The following ACMSD variants were observed in gnomAD, a reference collection of about 807,000 sequenced individuals.
ACMSD encodes aminocarboxymuconate semialdehyde decarboxylase, also known as 2-amino-3-carboxymuconate-6-semialdehyde decarboxylase.
ACMSD carries 37 observed loss-of-function variants against 45.9 expected under a neutral mutation model. The observed-to-expected ratio is 0.81, with a 90% CI of 0.62 to 1.06. The LOEUF is 1.06. Ranked by LOEUF, ACMSD falls within the 50% of genes least tolerant of loss-of-function variation. The probability of loss-of-function intolerance (pLI) is 0.00; values close to 1 mark genes in which losing one functional copy is unlikely to be tolerated. For missense variants in ACMSD, 434 were observed against 420.9 expected (o/e 1.03, Z -0.27); for synonymous variants, 138 against 148.8 (o/e 0.93, Z 0.53).
intron 3 of ACMSD, 28 bp downstream of exon 3, chr2:134,859,385 G>A: frequency 6.2e-7 from 1 of 1,603,472 alleles, no homozygotes; most frequent in South Asian, 1.1e-5. Context: ...ACCAATGTTA[G>A]CATCTGATGT....
rs1273224692 is a variant in ACMSD at position 134,867,698 on chromosome 2, C to G, written c.580+26C>G. On this transcript the variant is annotated intron_variant, in intron 6 of 9. Transcript: ENST00000356140. ...GTTTGTGTCTGTGTGGGGTCTGGAA[C>G]AGAGGACCAACTCTTGGGTTTTTCC... 2.5e-6 allele frequency: 4 copies of G among 1,592,792 alleles called. No homozygotes were observed. The Admixed American group carries it at 6.7e-5, about 27-fold the overall frequency.
chr2:134,865,822 G>T (rs1459806595), intron 5 of ACMSD, among the ~76,000 whole-genome samples: 2 of 152,100 alleles, frequency 1.3e-5, no homozygotes, highest in Non-Finnish European at 1.5e-5. Flanking sequence ...TTCGTTATTG[G>T]TATAAGGCAG....
intron 8 of ACMSD, among the ~76,000 whole-genome samples, chr2:134,885,306 A>T (rs1421037477): frequency 0.029 from 2,158 of 75,354 alleles, 96 homozygotes; most frequent in East Asian, 0.17. Context: ...TATATATTTA[A>T]ATATATATAT....
intron 8 of ACMSD, among the ~76,000 whole-genome samples, chr2:134,880,403 C>T (rs1382711700): frequency 6.6e-6 from 1 of 152,012 alleles, no homozygotes; most frequent in South Asian, 2.1e-4. Flanking sequence ...TTAATGATTT[C>T]CTTCCCTCTG....
At chr2:134,841,237 C>T (rs1686790322) in intron 1 of ACMSD, among the ~76,000 whole-genome samples, 1 of 152,128 alleles carries the variant, frequency 6.6e-6, no homozygotes, top group Non-Finnish European at 1.5e-5. Flanking sequence ...ATGCTTGAGA[C>T]TCAGAAATGA....
chr2:134,841,979 T>C (rs1441880425), intron 1 of ACMSD, among the ~76,000 whole-genome samples: 1 of 152,214 alleles, frequency 6.6e-6, no homozygotes, highest in Non-Finnish European at 1.5e-5. Flanking sequence ...GGAGGTGTGA[T>C]GTCTTCAAGA....
At chr2:134,897,228 C>A (rs1259069611) in intron 8 of ACMSD, among the ~76,000 whole-genome samples, 6 of 151,718 alleles carry the variant, frequency 4.0e-5, no homozygotes, top group Non-Finnish European at 8.8e-5. Context: ...TTATTTGTTT[C>A]TTAGATACCA....
At chr2:134,843,060 A>G (rs959891306) in intron 1 of ACMSD, among the ~76,000 whole-genome samples, 1 of 152,230 alleles carries the variant, frequency 6.6e-6, no homozygotes, top group Non-Finnish European at 1.5e-5. Context: ...TAAAAATTCA[A>G]TGGCAAATTT....
intron 2 of ACMSD, among the ~76,000 whole-genome samples, chr2:134,847,445 T>TAG (rs1559039319): frequency 6.9e-6 from 1 of 144,936 alleles, no homozygotes; most frequent in African/African-American, 2.5e-5. Flanking sequence ...GATAGATAGA[T>TAG]AGATATAGAT....
At chr2:134,885,319 A>ATATATATAT (rs35092050) in intron 8 of ACMSD, among the ~76,000 whole-genome samples, 2 of 103,164 alleles carry the variant, frequency 1.9e-5, no homozygotes, top group African/African-American at 8.6e-5. Context: ...ATATATATAT[A>ATATATATAT]AATATATATG....
intron 8 of ACMSD, among the ~76,000 whole-genome samples, chr2:134,896,521 A>C (rs1573731592): frequency 6.6e-6 from 1 of 152,356 alleles, no homozygotes; most frequent in Admixed American, 6.5e-5. Context: ...TCCAAGGAAG[A>C]GATACAAATA....
intron 8 of ACMSD, 84 bp downstream of exon 8, chr2:134,872,725 C>CA: frequency 1.4e-6 from 2 of 1,480,114 alleles, no homozygotes; most frequent in Non-Finnish European, 1.9e-6. Flanking sequence ...GGCCTCTCTC[C>CA]AAAAAAGGGA....
chr2:134,897,886 T>TG (rs199873898), intron 8 of ACMSD, among the ~76,000 whole-genome samples: 1 of 129,828 alleles, frequency 7.7e-6, no homozygotes. Context: ...TTTGTTTTTG[T>TG]TTTTTTTTTT....
chr2:134,879,524 C>G (rs1319662150), intron 8 of ACMSD, among the ~76,000 whole-genome samples: 1 of 152,264 alleles, frequency 6.6e-6, no homozygotes, highest in African/African-American at 2.4e-5. Flanking sequence ...AACCTAAAAC[C>G]CAGTGGTTTA....
intron 1 of ACMSD, 51 bp downstream of exon 1, chr2:134,838,790 T>C (rs775192990): frequency 1.7e-5 from 23 of 1,391,012 alleles, no homozygotes; most frequent in Admixed American, 8.6e-5. Context: ...CCAGGGTTTC[T>C]CAATGCCTTT....
At chr2:134,865,670 C>T (rs1559050811) in intron 5 of ACMSD, among the ~76,000 whole-genome samples, 1 of 152,178 alleles carries the variant, frequency 6.6e-6, no homozygotes. Flanking sequence ...AATGAATTAT[C>T]ATGAGCCAGG....
At chr2:134,877,211 GC>G (rs1192981292) in intron 8 of ACMSD, among the ~76,000 whole-genome samples, 3 of 152,208 alleles carry the variant, frequency 2.0e-5, no homozygotes, top group East Asian at 3.9e-4. Flanking sequence ...ATATCACTAA[GC>G]AATAGAAACT....
At chr2:134,886,246 A>ATTATTATTATTTTTTT in intron 8 of ACMSD, among the ~76,000 whole-genome samples, 3 of 115,454 alleles carry the variant, frequency 2.6e-5, no homozygotes, top group African/African-American at 1.1e-4. Flanking sequence ...TATTATTATT[A>ATTATTATTATTTTTTT]TTTTTTTTTT....
chr2:134,847,545 G>C (rs542795800), intron 2 of ACMSD, among the ~76,000 whole-genome samples: 3 of 152,136 alleles, frequency 2.0e-5, no homozygotes, highest in Admixed American at 6.6e-5. Context: ...GTGCCATGGT[G>C]GTTCACTGCA....
Sources: allele counts gnomAD v4.1 joint callset (sites outside exome capture counted in the v4.1 genomes callset), GRCh38; gene constraint gnomAD v4.1.1; transcripts MANE v1.5; gene names NCBI Gene and HGNC (gene_info 2026-07-23, HGNC 2026-07-21).